The following SH2D4A variants were observed in gnomAD, a reference collection of about 807,000 sequenced individuals.
SH2D4A encodes the protein SH2 domain containing 4A, also known as SH2 domain-containing protein 4A.
Under a neutral mutation model 64.7 loss-of-function variants are expected in SH2D4A, and 70 were observed. The ratio of observed to expected loss-of-function variants is 1.08; its 90% CI spans 0.89 to 1.32. The LOEUF (loss-of-function observed/expected upper bound fraction) is 1.32. SH2D4A is among the 40% of genes most tolerant of loss of function. The pLI is 0.00. For missense variants in SH2D4A, 706 were observed against 540.1 expected (o/e 1.31, Z -3.04); for synonymous variants, 268 against 200.7 (o/e 1.34, Z -2.83).
intron 7 of SH2D4A, among the ~76,000 whole-genome samples, chr8:19,365,544 T>C (rs1273889891): frequency 6.6e-6 from 1 of 152,180 alleles, no homozygotes. Flanking sequence ...CTGTTCACCG[T>C]CTCTTCCAAA....
intron 7 of SH2D4A, among the ~76,000 whole-genome samples, chr8:19,364,792 GC>G (rs2052963424): frequency 6.6e-6 from 1 of 152,186 alleles, no homozygotes; most frequent in South Asian, 2.1e-4. Context: ...CGGATACATA[GC>G]CAAGTTCCTC....
chr8:19,391,099 T>C (rs1021845590), intron 8 of SH2D4A, among the ~76,000 whole-genome samples: 3 of 152,158 alleles, frequency 2.0e-5, no homozygotes, highest in Non-Finnish European at 4.4e-5. Context: ...AAGGGGACTT[T>C]TCAGGGTCAT....
rs146121853 is a variant in SH2D4A, at chr8:19,330,767, C to CA, written c.182-2178dup. ...TTTCTGGGCATCTTCCTCTTGCTGT[C>CA]AAAAAAAAAATACCGACAGAGAACT... is the stretch of plus-strand genomic sequence containing the variant. On this transcript the variant is annotated intron_variant, in intron 2 of 9. Coordinates refer to ENST00000265807, the MANE Select transcript of SH2D4A (RefSeq NM_022071.4). 8.5e-3 allele frequency among the ~76,000 whole-genome samples: 1,248 copies of CA among 147,284 alleles called. 32 individuals carry two copies. The East Asian group carries it at 0.089, about 11-fold the overall frequency.
chr8:19,383,197 T>C (rs2053327602), intron 8 of SH2D4A, among the ~76,000 whole-genome samples: 1 of 152,142 alleles, frequency 6.6e-6, no homozygotes, highest in African/African-American at 2.4e-5. Flanking sequence ...TTGGGTCATT[T>C]GATGCTGTTC....
chr8:19,321,162 G>T (rs1246182473), intron 2 of SH2D4A, among the ~76,000 whole-genome samples: 2 of 152,064 alleles, frequency 1.3e-5, no homozygotes, highest in African/African-American at 4.8e-5. Context: ...AAAGTCAGCA[G>T]TGACAGTCCT....
At chr8:19,390,886 C>G (rs991985741) in intron 8 of SH2D4A, among the ~76,000 whole-genome samples, 1 of 152,108 alleles carries the variant, frequency 6.6e-6, no homozygotes, top group Non-Finnish European at 1.5e-5. Context: ...CTTACTTAGC[C>G]GAGGTTTGGT....
Position 19,360,959 on chromosome 8 carries a change from G to A in SH2D4A, c.595-244G>A, listed in dbSNP as rs2052874251. On this transcript the variant is annotated intron_variant, in intron 5 of 9. Transcript: ENST00000265807. The stretch of plus-strand genomic sequence containing the variant: ...ATTTTTTTCTCATCTTTCTTATGGG[G>A]AAACAGCCCAAGAGAGGTTCATTTG... 5 of 268,562 alleles carry A rather than the reference G, an allele frequency of 1.9e-5. No individual in the cohort carries two copies. The South Asian group carries it at 3.9e-4, about 21-fold the overall frequency. 16.6% of individuals were successfully genotyped at this position (268,562 alleles called of 1,614,324 possible).
At chr8:19,355,439 T>A (rs1028910004) in intron 4 of SH2D4A, among the ~76,000 whole-genome samples, 1 of 152,154 alleles carries the variant, frequency 6.6e-6, no homozygotes, top group African/African-American at 2.4e-5. Flanking sequence ...CAAAGTATAC[T>A]TTTATAATAT....
intron 8 of SH2D4A, among the ~76,000 whole-genome samples, chr8:19,379,074 TAAAAA>T (rs56937745): frequency 3.3e-4 from 44 of 133,416 alleles, no homozygotes; most frequent in African/African-American, 1.1e-3. Context: ...GACCCTGCCT[TAAAAA>T]AAAAAAAAAA....
intron 5 of SH2D4A, chr8:19,360,967 C>G (rs1028810639): frequency 1.6e-5 from 5 of 307,982 alleles, no homozygotes; most frequent in Non-Finnish European, 2.4e-5. Context: ...GGGAAACAGC[C>G]CAAGAGAGGT....
At chr8:19,363,947 CTTA>C (rs1585184655) in intron 6 of SH2D4A, 122 bp from the exon 7 acceptor site, 4 of 830,166 alleles carry the variant, frequency 4.8e-6, no homozygotes, top group Non-Finnish European at 7.5e-6. Flanking sequence ...ATGATTGTTC[CTTA>C]TTATAAGCAG....
intron 4 of SH2D4A, among the ~76,000 whole-genome samples, chr8:19,345,568 T>C (rs566296913): frequency 2.0e-5 from 3 of 152,336 alleles, no homozygotes; most frequent in African/African-American, 7.2e-5. Flanking sequence ...ATGTATTCTT[T>C]GGTCAAGTGG....
intron 8 of SH2D4A, among the ~76,000 whole-genome samples, chr8:19,380,794 A>G (rs1226076201): frequency 1.3e-5 from 2 of 152,144 alleles, no homozygotes; most frequent in East Asian, 3.8e-4. Flanking sequence ...TAAGTTTTGA[A>G]ATGAGTATGT....
At chr8:19,358,341 G>C (rs1171580053) in intron 5 of SH2D4A, among the ~76,000 whole-genome samples, 1 of 152,066 alleles carries the variant, frequency 6.6e-6, no homozygotes, top group Non-Finnish European at 1.5e-5. Context: ...ATTCTTCATG[G>C]GAGAGAGAGA....
At chr8:19,371,629 T>C (rs2053100541) in intron 7 of SH2D4A, among the ~76,000 whole-genome samples, 1 of 152,218 alleles carries the variant, frequency 6.6e-6, no homozygotes, top group Non-Finnish European at 1.5e-5. Flanking sequence ...TGGAAAGTTT[T>C]CTGTTATTAT....
chr8:19,353,268 C>T (rs1015673746), intron 4 of SH2D4A, among the ~76,000 whole-genome samples: 44 of 152,102 alleles, frequency 2.9e-4, no homozygotes, highest in Non-Finnish European at 5.7e-4. Flanking sequence ...GCCTCTTCAT[C>T]CTGCCTCTAG....
At chr8:19,355,682 T>G (rs2052780672) in intron 4 of SH2D4A, among the ~76,000 whole-genome samples, 1 of 152,212 alleles carries the variant, frequency 6.6e-6, no homozygotes, top group Non-Finnish European at 1.5e-5. Flanking sequence ...AATTGCCCAT[T>G]ATGTTGCCCA....
intron 2 of SH2D4A, among the ~76,000 whole-genome samples, chr8:19,326,911 C>T (rs143288113): frequency 6.6e-6 from 1 of 152,178 alleles, no homozygotes. Flanking sequence ...CCTGTCGAGC[C>T]CATCACCTGG....
chr8:19,351,153 C>G (rs967420626), intron 4 of SH2D4A, among the ~76,000 whole-genome samples: 20 of 152,134 alleles, frequency 1.3e-4, no homozygotes, highest in African/African-American at 4.8e-4. Flanking sequence ...TGCTCAGAAA[C>G]TTAATATTAT....
Sources: gnomAD v4.1 joint callset for allele counts (sites outside exome capture counted in the v4.1 genomes callset) on GRCh38, gnomAD v4.1.1 for gene constraint, MANE v1.5 for transcripts, NCBI Gene and HGNC (gene_info 2026-07-23, HGNC 2026-07-21) for gene names.